Variants in HS3ST4 observed in about 807,000 individuals in gnomAD.
The protein encoded by HS3ST4 is heparan sulfate-glucosamine 3-sulfotransferase 4.
A neutral mutation model predicts 29.2 loss-of-function variants in HS3ST4; 17 were observed. The observed-to-expected ratio is 0.58, with a 90% confidence interval of 0.40 to 0.87. The LOEUF is 0.87. HS3ST4 is among the 40% of genes least tolerant of loss of function. HS3ST4 has a pLI of 0.00. For synonymous variants in HS3ST4, 314 were observed against 285.7 expected, an observed-to-expected ratio of 1.10 and a Z score of -1.00; for missense variants, 627 against 634.5, an observed-to-expected ratio of 0.99 and a Z score of 0.13.
intron 1 of HS3ST4, among the ~76,000 whole-genome samples, chr16:25,855,421 A>T (rs1567256309): frequency 1.3e-5 from 2 of 152,216 alleles, no homozygotes; most frequent in Non-Finnish European, 2.9e-5. Context: ...ATTTTCTCCC[A>T]TAAAGATGGC....
intron 1 of HS3ST4, among the ~76,000 whole-genome samples, chr16:25,821,387 T>G (rs1280160087): frequency 6.6e-6 from 1 of 152,148 alleles, no homozygotes; most frequent in Non-Finnish European, 1.5e-5. Context: ...CATTTTTAGG[T>G]GGATTGACAG....
intron 1 of HS3ST4, among the ~76,000 whole-genome samples, chr16:25,698,993 G>C (rs2943325): frequency 2.0e-4 from 31 of 152,250 alleles, no homozygotes; most frequent in African/African-American, 6.8e-4. Context: ...ATCTTCCACT[G>C]TGTAAGAGAA....
chr16:25,785,756 G>A (rs4319768), intron 1 of HS3ST4, among the ~76,000 whole-genome samples: 81,970 of 151,906 alleles, frequency 0.54, 22,407 homozygotes, highest in East Asian at 0.72. Flanking sequence ...TACAGCTTCC[G>A]GTAACCCAAA....
intron 1 of HS3ST4, among the ~76,000 whole-genome samples, chr16:25,943,449 A>G (rs1420737810): frequency 6.6e-6 from 1 of 152,210 alleles, no homozygotes; most frequent in Non-Finnish European, 1.5e-5. Flanking sequence ...GAAGGCAGAA[A>G]AAGTCTCATA....
intron 1 of HS3ST4, among the ~76,000 whole-genome samples, chr16:25,823,347 C>T (rs976294413): frequency 6.6e-6 from 1 of 152,168 alleles, no homozygotes; most frequent in African/African-American, 2.4e-5. Flanking sequence ...TTGTTTCTCT[C>T]TGTTTCTGCA....
At chr16:25,937,896 G>C (rs1968532565) in intron 1 of HS3ST4, among the ~76,000 whole-genome samples, 1 of 152,184 alleles carries the variant, frequency 6.6e-6, no homozygotes, top group African/African-American at 2.4e-5. Flanking sequence ...ACCTAGTGAA[G>C]ATTCCCAGCT....
intron 1 of HS3ST4, among the ~76,000 whole-genome samples, chr16:25,960,198 T>C (rs1048342958): frequency 5.3e-5 from 8 of 152,128 alleles, no homozygotes; most frequent in African/African-American, 2.4e-5. Flanking sequence ...CCATGTGACA[T>C]ACCTGCTCCC....
chr16:25,964,330 C>T (rs545744929), intron 1 of HS3ST4, among the ~76,000 whole-genome samples: 1 of 152,102 alleles, frequency 6.6e-6, no homozygotes, highest in Non-Finnish European at 1.5e-5. Flanking sequence ...CTCAGCAACA[C>T]ACACTATACT....
chr16:25,920,132 C>T (rs1468752600), intron 1 of HS3ST4, among the ~76,000 whole-genome samples: 1 of 152,152 alleles, frequency 6.6e-6, no homozygotes, highest in Non-Finnish European at 1.5e-5. Context: ...TCGGATTCTT[C>T]TGGTCTCATT....
At chr16:25,701,983 C>G (rs1421120881) in intron 1 of HS3ST4, among the ~76,000 whole-genome samples, 1 of 152,176 alleles carries the variant, frequency 6.6e-6, no homozygotes, top group Non-Finnish European at 1.5e-5. Flanking sequence ...TTCTGATTTT[C>G]AGAACAACCT....
chr16:25,802,349 A>C (rs1039830731), intron 1 of HS3ST4, among the ~76,000 whole-genome samples: 8 of 152,060 alleles, frequency 5.3e-5, no homozygotes, highest in Admixed American at 2.0e-4. Flanking sequence ...CTTTTCCTAC[A>C]TATCTGAAAT....
Position 25,703,074 on chromosome 16 carries a change from G to A in HS3ST4, c.734+9923G>A, listed in dbSNP as rs150977553. On this transcript the variant is annotated intron_variant, in intron 1 of 1. Transcript: ENST00000331351. The stretch of plus-strand genomic sequence containing the variant: ...CTCAGGAGGCTGAGGCAGGAGAATC[G>A]CCTGAACCCAGGATGCAGAGGTTGC... Among the ~76,000 whole-genome samples, 794 of 152,130 alleles carry A rather than the reference G, an allele frequency of 5.2e-3. 7 individuals carry two copies. The highest frequency in any genetic ancestry group is 0.018 in the African/African-American group (735 of 41,490).
intron 1 of HS3ST4, among the ~76,000 whole-genome samples, chr16:25,737,192 G>T (rs1966615475): frequency 6.6e-6 from 1 of 152,166 alleles, no homozygotes; most frequent in Admixed American, 6.5e-5. Flanking sequence ...GTCCTTCATG[G>T]GAACATGGGT....
At chr16:25,927,603 A>T (rs370698490) in intron 1 of HS3ST4, among the ~76,000 whole-genome samples, 4 of 152,262 alleles carry the variant, frequency 2.6e-5, no homozygotes, top group East Asian at 3.9e-4. Flanking sequence ...AACATAAGAC[A>T]ATAAGGAGTG....
chr16:25,884,892 A>G (rs185995957), intron 1 of HS3ST4, among the ~76,000 whole-genome samples: 2 of 152,266 alleles, frequency 1.3e-5, no homozygotes, highest in African/African-American at 4.8e-5. Context: ...AGTATTTTGT[A>G]GATTCTGACT....
At chr16:26,075,038 C>T (rs954076808) in intron 1 of HS3ST4, among the ~76,000 whole-genome samples, 10 of 152,100 alleles carry the variant, frequency 6.6e-5, no homozygotes, top group Non-Finnish European at 1.2e-4. Context: ...ACTAAAAATA[C>T]AAAAATTAGC....
chr16:26,042,538 T>C (rs1969644879), intron 1 of HS3ST4, among the ~76,000 whole-genome samples: 1 of 152,260 alleles, frequency 6.6e-6, no homozygotes, highest in South Asian at 2.1e-4. Flanking sequence ...GTTGATGGCG[T>C]GGCGATTACC....
chr16:25,696,132 A>T (rs774313221), intron 1 of HS3ST4, among the ~76,000 whole-genome samples: 1 of 152,224 alleles, frequency 6.6e-6, no homozygotes, highest in Non-Finnish European at 1.5e-5. Flanking sequence ...ATTGGGATGC[A>T]TGTGTTAAAA....
At chr16:25,810,652 T>A (rs1967033626) in intron 1 of HS3ST4, among the ~76,000 whole-genome samples, 1 of 152,250 alleles carries the variant, frequency 6.6e-6, no homozygotes, top group South Asian at 2.1e-4. Context: ...ATTCTTTTAC[T>A]CATTTTTATA....
Sources: allele counts gnomAD v4.1 joint callset (sites outside exome capture counted in the v4.1 genomes callset), GRCh38; gene constraint gnomAD v4.1.1; transcripts MANE v1.5; gene names NCBI Gene and HGNC (gene_info 2026-07-23, HGNC 2026-07-21).